HCRTR2: variants seen among roughly 807,000 people sequenced by gnomAD.
HCRTR2 encodes the protein orexin receptor type 2.
Under a neutral mutation model 49.0 loss-of-function variants are expected in HCRTR2, and 22 were observed. That is an observed-to-expected ratio of 0.45 (90% CI 0.32 to 0.64). HCRTR2 has a LOEUF of 0.64. HCRTR2 is among the 30% of genes least tolerant of loss of function. HCRTR2 has a pLI of 0.04. For synonymous variants in HCRTR2, 236 were observed against 205.3 expected, an observed-to-expected ratio of 1.15 and a Z score of -1.28; for missense variants, 491 against 559.4, an observed-to-expected ratio of 0.88 and a Z score of 1.23.
Position 55,140,468 on chromosome 6 carries a change from C to A in HCRTR2, c.-377-33743C>A, listed in dbSNP as rs114390673. Among the ~76,000 whole-genome samples, 1,086 of 152,258 alleles carry A rather than the reference C, an allele frequency of 7.1e-3. 11 individuals carry two copies. The highest frequency in any genetic ancestry group is 0.025 in the African/African-American group (1,023 of 41,554). On this transcript the variant is annotated intron_variant, in intron 1 of 7. Coordinates refer to the HCRTR2 transcript ENST00000615358. ...GGATGACTCCACAACCAAAACCTTT[C>A]TTTTCAGAAGCAAATGGAGGTGAGG...
intron 1 of HCRTR2, among the ~76,000 whole-genome samples, chr6:55,240,016 A>AT (rs1217106264): frequency 6.6e-6 from 1 of 151,802 alleles, no homozygotes; most frequent in African/African-American, 2.4e-5. Context: ...ACCGCGGGTG[A>AT]TCCCCCCGCC....
At chr6:55,153,016 A>G (rs1267633967) in intron 1 of HCRTR2, among the ~76,000 whole-genome samples, 1 of 151,780 alleles carries the variant, frequency 6.6e-6, no homozygotes, top group Non-Finnish European at 1.5e-5. Flanking sequence ...CTAGGAGCTT[A>G]TGGTCATCTT....
rs199719394 is a variant in HCRTR2, at chr6:55,184,832, G to GT, written c.223+10025dup. ...CTAAAATGAATTTATAAGGCCCATG[G>GT]TTTATAACCATGTGAGGCCTTGATT... is the stretch of plus-strand genomic sequence containing the variant. On this transcript the variant is annotated intron_variant, in intron 1 of 6. Transcript: ENST00000370862. 5.9e-3 allele frequency among the ~76,000 whole-genome samples: 891 copies of GT among 152,238 alleles called. 8 individuals carry two copies. Among genetic ancestry groups the GT allele is most frequent in the African/African-American group, 0.019 (784 of 41,540 alleles).
intron 1 of HCRTR2, among the ~76,000 whole-genome samples, chr6:55,197,180 C>G (rs1765431708): frequency 6.6e-6 from 1 of 152,256 alleles, no homozygotes; most frequent in South Asian, 2.1e-4. Flanking sequence ...CTGTTAACCC[C>G]AAGCCTAACT....
chr6:55,180,543 G>A (rs1293905828), intron 1 of HCRTR2, among the ~76,000 whole-genome samples: 1 of 151,462 alleles, frequency 6.6e-6, no homozygotes, highest in African/African-American at 2.4e-5. Context: ...GGTAAAATAG[G>A]TGCTGCCAAA....
At chr6:55,228,591 C>T (rs1012646899) in intron 1 of HCRTR2, among the ~76,000 whole-genome samples, 3 of 152,134 alleles carry the variant, frequency 2.0e-5, no homozygotes, top group South Asian at 4.2e-4. Context: ...TAAAAAATAT[C>T]CAATAACATG....
intron 1 of HCRTR2, among the ~76,000 whole-genome samples, chr6:55,196,988 T>A (rs1308069002): frequency 2.0e-5 from 3 of 151,004 alleles, no homozygotes; most frequent in Non-Finnish European, 4.4e-5. Context: ...AACCCAATCT[T>A]ATCTACAGCC....
At position 55,199,363 on chromosome 6, in the gene HCRTR2, G is replaced by T. The variant is rs189344950; in HGVS notation, c.223+24553G>T. ...ACTTAAAAAGATTTACAAAGGGGAG[G>T]ATTGAATTATTTTAGGAATGTAAAT... On this transcript the variant is annotated intron_variant, in intron 1 of 6. Coordinates refer to ENST00000370862, the MANE Select transcript of HCRTR2 (RefSeq NM_001384272.1). 4.5e-3 allele frequency among the ~76,000 whole-genome samples: 687 copies of T among 152,002 alleles called. 1 individual carries two copies. The highest frequency in any genetic ancestry group is 0.015 in the African/African-American group (630 of 41,478).
intron 1 of HCRTR2, among the ~76,000 whole-genome samples, chr6:55,157,852 CTT>C (rs1258877986): frequency 2.0e-5 from 3 of 152,202 alleles, no homozygotes; most frequent in African/African-American, 7.2e-5. Context: ...TGATCAAAAA[CTT>C]AGATTATAAC....
intron 2 of HCRTR2, among the ~76,000 whole-genome samples, chr6:55,252,246 G>T (rs1481249433): frequency 6.6e-6 from 1 of 152,044 alleles, no homozygotes. Flanking sequence ...GAAGGGCAGT[G>T]CTCCCTGGGT....
chr6:55,225,846 G>T (rs1414303803), intron 1 of HCRTR2, among the ~76,000 whole-genome samples: 1 of 152,114 alleles, frequency 6.6e-6, no homozygotes, highest in Non-Finnish European at 1.5e-5. Flanking sequence ...TTAAATGCCT[G>T]GCACATTCTT....
At chr6:55,208,930 G>A (rs1305907004) in intron 1 of HCRTR2, among the ~76,000 whole-genome samples, 1 of 152,204 alleles carries the variant, frequency 6.6e-6, no homozygotes, top group East Asian at 1.9e-4. Flanking sequence ...TACTGGTACT[G>A]AGACATCTTT....
intron 1 of HCRTR2, among the ~76,000 whole-genome samples, chr6:55,118,739 A>G (rs561701409): frequency 6.2e-4 from 94 of 151,466 alleles, no homozygotes; most frequent in African/African-American, 2.2e-3. Context: ...CCACTTTTTA[A>G]TGGGGTTATT....
At position 55,280,301 on chromosome 6, in the gene HCRTR2, T is replaced by A; in HGVS notation, c.984-22T>A. The A allele has an allele frequency of 2.1e-6, 3 of 1,459,198 alleles. No individual in the cohort carries two copies. In the South Asian group the frequency reaches 3.4e-5, roughly 17 times the overall value. 90.4% of individuals were successfully genotyped at this position (1,459,198 alleles called of 1,614,324 possible). ...AATTTAATTATTTAAAAGACACTTT[T>A]CTGTTGTTTCTTTTCCTGCAGAGTA... On this transcript the variant is annotated intron_variant, in intron 5 of 6. Transcript: ENST00000370862.
rs558530957 is a variant in HCRTR2 at position 55,187,837 on chromosome 6, C to T, written c.223+13027C>T. Among the ~76,000 whole-genome samples the T allele has an allele frequency of 3.6e-4, 55 of 152,170 alleles. 1 individual carries two copies. The highest frequency in any genetic ancestry group is 3.4e-3 in the Middle Eastern group (1 of 294). On this transcript the variant is annotated intron_variant, in intron 1 of 6. Transcript: ENST00000370862. The stretch of plus-strand genomic sequence containing the variant: ...TGTCTCCCAGACTGGAGTGCAGTGG[C>T]GCAATCTCGCCTCAGTGCAAGCTCC...
intron 1 of HCRTR2, among the ~76,000 whole-genome samples, chr6:55,157,854 T>C (rs1341572347): frequency 6.6e-6 from 1 of 152,198 alleles, no homozygotes; most frequent in Non-Finnish European, 1.5e-5. Flanking sequence ...ATCAAAAACT[T>C]AGATTATAAC....
chr6:55,111,992 T>G (rs1764054443), intron 1 of HCRTR2, among the ~76,000 whole-genome samples: 2 of 151,980 alleles, frequency 1.3e-5, no homozygotes, highest in South Asian at 4.1e-4. Flanking sequence ...GTTTAACATA[T>G]GCAAATCAAT....
intron 1 of HCRTR2, among the ~76,000 whole-genome samples, chr6:55,151,793 T>TAA (rs1401872038): frequency 2.1e-5 from 3 of 145,502 alleles, no homozygotes; most frequent in Non-Finnish European, 4.6e-5. Flanking sequence ...ATTTATTTCT[T>TAA]AAAAAAAAAA....
chr6:55,144,778 G>A (rs9370388), intron 1 of HCRTR2, among the ~76,000 whole-genome samples: 46,566 of 151,870 alleles, frequency 0.31, 9,108 homozygotes, highest in East Asian at 0.8. Flanking sequence ...GATATGACCA[G>A]TGGGCACCAA....
Sources: gnomAD v4.1 joint callset for allele counts (sites outside exome capture counted in the v4.1 genomes callset) on GRCh38, gnomAD v4.1.1 for gene constraint, MANE v1.5 for transcripts, NCBI Gene and HGNC (gene_info 2026-07-23, HGNC 2026-07-21) for gene names.